HP1BP3: variants seen among roughly 807,000 people sequenced by gnomAD.
The protein encoded by HP1BP3 is heterochromatin protein 1 binding protein 3.
HP1BP3 carries 12 observed loss-of-function variants against 62.5 expected under a neutral mutation model. The observed-to-expected ratio is 0.19, with a 90% CI of 0.12 to 0.31. The LOEUF is 0.31. Ranked by LOEUF, HP1BP3 falls within the 10% of genes least tolerant of loss-of-function variation. HP1BP3 has a pLI of 1.00. For synonymous variants in HP1BP3, 260 were observed against 237.8 expected, an observed-to-expected ratio of 1.09 and a Z score of -0.86; for missense variants, 502 against 651.8, an observed-to-expected ratio of 0.77 and a Z score of 2.50.
At chr1:20,752,052 G>A (rs1192794829) in intron 9 of HP1BP3, among the ~76,000 whole-genome samples, 1 of 152,014 alleles carries the variant, frequency 6.6e-6, no homozygotes, top group Non-Finnish European at 1.5e-5. Context: ...CTGAGGTCAG[G>A]AGCTCAAGAC....
intron 8 of HP1BP3, among the ~76,000 whole-genome samples, chr1:20,764,339 T>C (rs532712895): frequency 6.6e-6 from 1 of 152,046 alleles, no homozygotes; most frequent in East Asian, 1.9e-4. Context: ...ACACTCCTTT[T>C]TACTCTTATG....
intron 6 of HP1BP3, among the ~76,000 whole-genome samples, chr1:20,770,116 T>C (rs2056986741): frequency 1.3e-5 from 2 of 152,186 alleles, no homozygotes; most frequent in African/African-American, 2.4e-5. Flanking sequence ...CAAGATAAAG[T>C]AGATTTATGC....
At position 20,776,747 on chromosome 1, in the gene HP1BP3, G is replaced by A. The variant is rs773952979; in HGVS notation, c.200C>T (p.Pro67Leu). ...GACAGATTCCTCTGAACTTATGTCT[G>A]GTTCTAAAAAATCAGGTGAGCAGAA... is the stretch of plus-strand genomic sequence containing the variant. ...LAEGEEEKPEPDISSEESVST... is the reference protein window; with the variant it reads ...LAEGEEEKPELDISSEESVST... The change falls in exon 4 of 13, where the codon CCA becomes CTA. Residue 67 changes from proline to leucine, a missense_variant. Physicochemically the swap from Pro to Leu is moderately conservative, Grantham distance 98. This residue lies in a region of HP1BP3 where 165 missense variants were observed against 156.4 expected (regional missense o/e 1.05). Transcript: ENST00000438032. 3 of 1,605,660 alleles carry A rather than the reference G, an allele frequency of 1.9e-6. No homozygotes were observed. The highest frequency in any genetic ancestry group is 1.7e-6 in the Non-Finnish European group (2 of 1,176,812).
chr1:20,764,413 G>A (rs967592038), intron 8 of HP1BP3, among the ~76,000 whole-genome samples: 17 of 151,186 alleles, frequency 1.1e-4, no homozygotes, highest in African/African-American at 3.9e-4. Context: ...GCGCAATCTC[G>A]GCTCACTGCG....
In HP1BP3 at chr1:20,768,709, G is replaced by A. The variant is rs573843924; in HGVS notation, c.655-1045C>T. The stretch of plus-strand genomic sequence containing the variant: ...ACAAAAATTAGCTGGGTGTGGTAGC[G>A]GGCGCCTGTAATCCCAGCTACTCAG... On this transcript the variant is annotated intron_variant, in intron 6 of 12. Coordinates refer to ENST00000438032, the MANE Select transcript of HP1BP3 (RefSeq NM_001372052.1). 1.8e-4 allele frequency among the ~76,000 whole-genome samples: 28 copies of A among 152,110 alleles called. No individual in the cohort carries two copies. The South Asian group carries it at 2.3e-3, about 12-fold the overall frequency.
Position 20,773,590 on chromosome 1 carries a change from T to C in HP1BP3, c.371A>G (p.Glu124Gly). Reference protein sequence around the residue: ...TKKDEKDQSKEKEKKVKKTIP... With the variant: ...TKKDEKDQSKGKEKKVKKTIP... ...TGTTTTTTTCACTTTCTTCTCCTTT[T>C]CTTTAGACTGATCTTTCTCACTTTA... The change falls in exon 5 of 13, where the codon GAA (glutamate) becomes GGA (glycine). Residue 124 changes from glutamate to glycine, a missense_variant. Physicochemically the swap from Glu to Gly is moderately conservative, Grantham distance 98. Around this residue, in one of 5 missense-constraint regions of HP1BP3, gnomAD observed 165 missense variants for 156.4 expected, o/e 1.05. Coordinates refer to ENST00000438032, the MANE Select transcript of HP1BP3 (RefSeq NM_001372052.1). 1.2e-6 allele frequency: 2 copies of C among 1,605,684 alleles called. No homozygotes were observed. The highest frequency in any genetic ancestry group is 2.2e-5 in the South Asian group (2 of 89,834).
chr1:20,769,216 A>G (rs763681673), intron 6 of HP1BP3, among the ~76,000 whole-genome samples: 4 of 152,112 alleles, frequency 2.6e-5, no homozygotes, highest in Non-Finnish European at 5.9e-5. Flanking sequence ...CCTCAGCCTC[A>G]TGAGTTGGGA....
At chr1:20,746,549 A>G (rs1216171343) in intron 11 of HP1BP3, among the ~76,000 whole-genome samples, 1 of 152,228 alleles carries the variant, frequency 6.6e-6, no homozygotes, top group African/African-American at 2.4e-5. Flanking sequence ...ACTGGAAATC[A>G]AAAGGCTTTA....
At chr1:20,771,109 A>G in intron 5 of HP1BP3, 36 bp from the exon 6 acceptor site, 1 of 1,478,264 alleles carries the variant, frequency 6.8e-7, no homozygotes, top group Non-Finnish European at 9.3e-7. Flanking sequence ...GTTTTTTTTT[A>G]TTAGATAGAG....
At chr1:20,750,464 T>C (rs1412600501) in intron 9 of HP1BP3, among the ~76,000 whole-genome samples, 4 of 151,062 alleles carry the variant, frequency 2.6e-5, no homozygotes, top group Admixed American at 6.6e-5. Flanking sequence ...AGACGCGGGG[T>C]TGCAGTGTGC....
intron 9 of HP1BP3, among the ~76,000 whole-genome samples, chr1:20,754,732 C>T (rs927997905): frequency 6.6e-6 from 1 of 152,090 alleles, no homozygotes; most frequent in Non-Finnish European, 1.5e-5. Context: ...AGGGAAGGGA[C>T]AGTCTTTTCA....
intron 4 of HP1BP3, 135 bp downstream of exon 4, chr1:20,776,462 A>G (rs538759905): frequency 1.3e-6 from 1 of 762,178 alleles, no homozygotes; most frequent in Admixed American, 2.7e-5. Flanking sequence ...CCTATTTCAA[A>G]TGGTAATTCT....
chr1:20,762,467 TGAAAA>T (rs1412325659), intron 8 of HP1BP3, among the ~76,000 whole-genome samples: 1 of 152,062 alleles, frequency 6.6e-6, no homozygotes, highest in Non-Finnish European at 1.5e-5. Flanking sequence ...ATAAAGGCTG[TGAAAA>T]GAAAATAAAT....
intron 3 of HP1BP3, among the ~76,000 whole-genome samples, chr1:20,777,506 A>G (rs2057355903): frequency 6.6e-6 from 1 of 151,630 alleles, no homozygotes; most frequent in Non-Finnish European, 1.5e-5. Context: ...CTCCCAGGCT[A>G]GAGTGCTGTG....
At chr1:20,786,880 G>A (rs1218258751) in intron 1 of HP1BP3, among the ~76,000 whole-genome samples, 1 of 151,886 alleles carries the variant, frequency 6.6e-6, no homozygotes, top group Admixed American at 6.6e-5. Context: ...GGGACGCAGG[G>A]TCGCACGGCC....
At chr1:20,780,295 A>C (rs762892723) in intron 2 of HP1BP3, 50 bp downstream of exon 2, 1 of 1,330,114 alleles carries the variant, frequency 7.5e-7, no homozygotes, top group African/African-American at 1.4e-5. Context: ...GCAGGGCCTG[A>C]AGTCAGGGAT....
chr1:20,765,601 T>C, intron 7 of HP1BP3, 70 bp from the exon 8 acceptor site: 1 of 1,244,130 alleles, frequency 8.0e-7, no homozygotes, highest in South Asian at 1.4e-5. Context: ...CTCAAGGGCT[T>C]TCCTCAGTTG....
intron 8 of HP1BP3, among the ~76,000 whole-genome samples, chr1:20,763,969 G>A (rs913511155): frequency 6.6e-6 from 1 of 151,624 alleles, no homozygotes; most frequent in South Asian, 2.1e-4. Context: ...TAGGATTACA[G>A]GCGTGAGCCA....
intron 5 of HP1BP3, among the ~76,000 whole-genome samples, chr1:20,771,307 G>A (rs1028797498): frequency 5.3e-5 from 8 of 152,076 alleles, no homozygotes; most frequent in Non-Finnish European, 8.8e-5. Flanking sequence ...TACTGAACAC[G>A]AACAACATTC....
Sources: gnomAD v4.1 joint callset for allele counts (sites outside exome capture counted in the v4.1 genomes callset) on GRCh38, gnomAD v4.1.1 for gene constraint, gnomAD v4.1.1 regional missense constraint, MANE v1.5 for transcripts, NCBI Gene and HGNC (gene_info 2026-07-23, HGNC 2026-07-21) for gene names.